Variants in CPXM2 observed in about 807,000 individuals in gnomAD.
CPXM2 encodes carboxypeptidase X, M14 family member 2, also known as inactive carboxypeptidase-like protein X2.
In CPXM2, 66 loss-of-function variants were observed where a neutral mutation model predicts 86.1. The observed-to-expected ratio is 0.77, with a 90% CI of 0.63 to 0.94. The LOEUF is 0.94. Ranked by LOEUF, CPXM2 falls within the 40% of genes least tolerant of loss-of-function variation. The pLI, the probability that CPXM2 is intolerant of heterozygous loss-of-function variation, is 0.00. For missense variants in CPXM2, 948 were observed against 1,026.3 expected, an observed-to-expected ratio of 0.92 and a Z score of 1.04; for synonymous variants, 388 against 400.2, an observed-to-expected ratio of 0.97 and a Z score of 0.36.
intron 4 of CPXM2, among the ~76,000 whole-genome samples, chr10:123,825,488 T>A (rs1848026898): frequency 6.6e-6 from 1 of 152,198 alleles, no homozygotes; most frequent in South Asian, 2.1e-4. Context: ...AAATATTTAC[T>A]GTACAGTTAG....
intron 11 of CPXM2, among the ~76,000 whole-genome samples, chr10:123,760,675 G>A (rs1475016753): frequency 6.6e-6 from 1 of 152,162 alleles, no homozygotes; most frequent in Non-Finnish European, 1.5e-5. Flanking sequence ...GAGTCCGCAG[G>A]GGATGGGAAC....
In CPXM2 at chr10:123,788,029, T is replaced by C. The variant is rs139391000; in HGVS notation, c.890-7774A>G. Among the ~76,000 whole-genome samples the C allele has an allele frequency of 1.4e-3, 207 of 152,018 alleles. 1 individual carries two copies. The highest frequency in any genetic ancestry group is 4.4e-3 in the African/African-American group (183 of 41,416). ...GAGCGGTGGCTCATGCCTGTAATCC[T>C]AGCACTCTGGGAGGCTGAGGCGGGT... On this transcript the variant is annotated intron_variant, in intron 6 of 13. Transcript: ENST00000241305.
At chr10:123,833,356 A>G (rs1313598086) in intron 4 of CPXM2, among the ~76,000 whole-genome samples, 1 of 152,206 alleles carries the variant, frequency 6.6e-6, no homozygotes, top group African/African-American at 2.4e-5. Flanking sequence ...AACAAAATAC[A>G]GATGTGTCAC....
chr10:123,786,465 C>T (rs1190148010), intron 6 of CPXM2, among the ~76,000 whole-genome samples: 1 of 152,210 alleles, frequency 6.6e-6, no homozygotes, highest in Admixed American at 6.5e-5. Context: ...CAAGCAGACA[C>T]TGACCCCATA....
intron 2 of CPXM2, among the ~76,000 whole-genome samples, chr10:123,909,970 C>T (rs1312135336): frequency 1.3e-5 from 2 of 152,182 alleles, no homozygotes; most frequent in Non-Finnish European, 2.9e-5. Context: ...GCTTCCATAT[C>T]CCAGGACTGC....
chr10:123,882,487 C>A (rs1413198414), intron 1 of CPXM2, among the ~76,000 whole-genome samples: 1 of 152,114 alleles, frequency 6.6e-6, no homozygotes, highest in African/African-American at 2.4e-5. Flanking sequence ...AGGAGCATAA[C>A]TTTTGATAAG....
intron 2 of CPXM2, among the ~76,000 whole-genome samples, chr10:123,908,876 C>G (rs957293198): frequency 3.3e-5 from 5 of 152,064 alleles, no homozygotes; most frequent in Non-Finnish European, 7.4e-5. Context: ...AGTGTACAAT[C>G]AACAAACTGT....
At chr10:123,775,263 T>A (rs1193541341) in intron 7 of CPXM2, among the ~76,000 whole-genome samples, 2 of 152,242 alleles carry the variant, frequency 1.3e-5, no homozygotes, top group Admixed American at 1.3e-4. Flanking sequence ...AGACCCCATA[T>A]ACTCGTCCCT....
chr10:123,827,128 A>C (rs1213505791), intron 4 of CPXM2, among the ~76,000 whole-genome samples: 1 of 152,220 alleles, frequency 6.6e-6, no homozygotes, highest in Non-Finnish European at 1.5e-5. Flanking sequence ...CCTCAGAAGA[A>C]ACTTCCAAAA....
At chr10:123,773,687 A>G (rs1846712442) in intron 7 of CPXM2, among the ~76,000 whole-genome samples, 1 of 152,216 alleles carries the variant, frequency 6.6e-6, no homozygotes, top group Non-Finnish European at 1.5e-5. Flanking sequence ...GTTCATTGCC[A>G]CTAAGTCAGC....
chr10:123,856,711 C>T (rs891468899), intron 3 of CPXM2, among the ~76,000 whole-genome samples: 4 of 151,730 alleles, frequency 2.6e-5, no homozygotes, highest in African/African-American at 7.3e-5. Flanking sequence ...CCTGCCTCAA[C>T]CTCCCAAGTA....
At chr10:123,940,419 G>A (rs150045634), upstream of CPXM2, among the ~76,000 whole-genome samples, 12 of 152,260 alleles carry the variant, frequency 7.9e-5, no homozygotes, top group South Asian at 4.1e-4. Flanking sequence ...TGATGTGCAC[G>A]GGACATCTGT....
intron 10 of CPXM2, among the ~76,000 whole-genome samples, chr10:123,764,893 C>T (rs117795341): frequency 7.9e-4 from 121 of 152,220 alleles, no homozygotes; most frequent in Non-Finnish European, 1.5e-3. Context: ...ATAAATTTCC[C>T]TAAAGCACTA....
chr10:123,804,643 G>A (rs952929789), intron 4 of CPXM2, among the ~76,000 whole-genome samples: 1 of 152,090 alleles, frequency 6.6e-6, no homozygotes, highest in Non-Finnish European at 1.5e-5. Flanking sequence ...CCCAATGACA[G>A]TTCTGATTCT....
At chr10:123,868,890 G>A (rs977769981) in intron 2 of CPXM2, among the ~76,000 whole-genome samples, 6 of 152,174 alleles carry the variant, frequency 3.9e-5, no homozygotes, top group African/African-American at 1.4e-4. Flanking sequence ...AAGTTAGAAT[G>A]AGAGGTTAGA....
At chr10:123,893,431 T>G (rs577767392), upstream of CPXM2, among the ~76,000 whole-genome samples, 1 of 152,308 alleles carries the variant, frequency 6.6e-6, no homozygotes, top group East Asian at 1.9e-4. Context: ...GGCCATCTTT[T>G]AGGGCCAGTC....
At chr10:123,801,940 G>A (rs1009126775) in intron 4 of CPXM2, among the ~76,000 whole-genome samples, 2 of 152,138 alleles carry the variant, frequency 1.3e-5, no homozygotes, top group African/African-American at 4.8e-5. Context: ...TTTCTTATAT[G>A]CTTTCTTTCA....
At chr10:123,837,209 G>A (rs1281264839) in intron 4 of CPXM2, among the ~76,000 whole-genome samples, 1 of 152,224 alleles carries the variant, frequency 6.6e-6, no homozygotes, top group East Asian at 1.9e-4. Context: ...TCAGGGCTCA[G>A]GGCTGAGCCT....
chr10:123,837,241 C>A (rs1360385571), intron 4 of CPXM2, among the ~76,000 whole-genome samples: 1 of 152,216 alleles, frequency 6.6e-6, no homozygotes, highest in Admixed American at 6.5e-5. Flanking sequence ...TGCTCTCAGG[C>A]ACAGAGCCTG....
Sources: allele counts gnomAD v4.1 joint callset (sites outside exome capture counted in the v4.1 genomes callset), GRCh38; gene constraint gnomAD v4.1.1; transcripts MANE v1.5; gene names NCBI Gene and HGNC (gene_info 2026-07-23, HGNC 2026-07-21).